OPCML: variants seen among roughly 807,000 people sequenced by gnomAD.
OPCML encodes opioid binding protein/cell adhesion molecule like.
OPCML carries 13 observed loss-of-function variants against 37.8 expected under a neutral mutation model. The observed-to-expected ratio is 0.34, with a 90% CI of 0.22 to 0.55. OPCML has a LOEUF of 0.55. OPCML is among the 20% of genes least tolerant of loss of function. The pLI, the probability that OPCML is intolerant of heterozygous loss-of-function variation, is 0.91. For missense variants in OPCML, 341 were observed against 435.6 expected (o/e 0.78, Z 1.93); for synonymous variants, 176 against 168.8 (o/e 1.04, Z -0.33).
At chr11:133,331,949 T>A (rs1400134571) in intron 1 of OPCML, among the ~76,000 whole-genome samples, 1 of 148,642 alleles carries the variant, frequency 6.7e-6, no homozygotes, top group African/African-American at 2.6e-5. Context: ...TTTAAAATAT[T>A]TTTTTCTAGT....
At position 133,204,907 on chromosome 11, in the gene OPCML, T is replaced by TATAC. The variant is rs1592101768; in HGVS notation, c.62-261901_62-261898dup. ...ATATATATATATATATATATATATA[T>TATAC]ATACATACACATTTAGATATGGTCT... is the stretch of plus-strand genomic sequence containing the variant. On this transcript the variant is annotated intron_variant, in intron 1 of 7. Coordinates refer to ENST00000524381, the MANE Select transcript of OPCML (RefSeq NM_001012393.5). 3.0e-5 allele frequency among the ~76,000 whole-genome samples: 4 copies of TATAC among 133,504 alleles called. No individual in the cohort carries two copies. In the South Asian group the frequency reaches 9.7e-4, roughly 32 times the overall value. 87.6% of individuals were successfully genotyped at this position (133,504 alleles called of 152,430 possible).
chr11:132,995,675 G>C (rs1469088981), intron 1 of OPCML, among the ~76,000 whole-genome samples: 1 of 152,182 alleles, frequency 6.6e-6, no homozygotes, highest in Non-Finnish European at 1.5e-5. Flanking sequence ...GGTCAGGCAA[G>C]TTCTTGGTCC....
intron 1 of OPCML, among the ~76,000 whole-genome samples, chr11:133,059,762 C>T (rs1948306048): frequency 6.6e-6 from 1 of 152,072 alleles, no homozygotes; most frequent in Non-Finnish European, 1.5e-5. Context: ...TCATGGAGCA[C>T]AATATGTGCT....
At chr11:133,034,034 G>A (rs926781907) in intron 1 of OPCML, among the ~76,000 whole-genome samples, 7 of 152,134 alleles carry the variant, frequency 4.6e-5, no homozygotes, top group Non-Finnish European at 8.8e-5. Context: ...ACTTAGTTGC[G>A]ATGGAAACAA....
chr11:132,726,853 T>A (rs796076621), intron 2 of OPCML, among the ~76,000 whole-genome samples: 18 of 152,316 alleles, frequency 1.2e-4, no homozygotes, highest in African/African-American at 4.3e-4. Context: ...TCCATGTGCC[T>A]GAAATACCTC....
intron 4 of OPCML, among the ~76,000 whole-genome samples, chr11:132,511,896 A>C (rs2096269667): frequency 6.6e-6 from 1 of 152,136 alleles, no homozygotes; most frequent in Non-Finnish European, 1.5e-5. Context: ...ATTCCTTTAC[A>C]AGATTCCTTT....
chr11:132,725,633 A>G (rs116847193), intron 2 of OPCML, among the ~76,000 whole-genome samples: 1 of 152,068 alleles, frequency 6.6e-6, no homozygotes, highest in Admixed American at 6.5e-5. Flanking sequence ...CCAAACTTTT[A>G]TTCTCTGCTT....
Position 132,943,763 on chromosome 11 carries a change from C to T in OPCML, c.62-753G>A, listed in dbSNP as rs1252028226. The T allele has an allele frequency of 6.6e-5, 10 of 150,676 alleles. No individual in the cohort carries two copies. Among genetic ancestry groups the T allele is most frequent in the East Asian group, 2.0e-4 (1 of 5,100 alleles). The allele number at this position is 150,676 out of a possible 1,614,324, so 9.3% of individuals were successfully genotyped here. On this transcript the variant is annotated intron_variant, in intron 1 of 7. Coordinates refer to ENST00000524381, the MANE Select transcript of OPCML (RefSeq NM_001012393.5). This position sits in a 1 kb window ranked among gnomAD's most constrained non-coding sequence, Gnocchi z 4.3. ...CGCGGCCAGCCGGGGGAGCGCCGCC[C>T]GGCGCAGGCTCCGGGCGCACGGGGA...
At chr11:132,843,217 C>T (rs1327979650) in intron 2 of OPCML, among the ~76,000 whole-genome samples, 1 of 151,666 alleles carries the variant, frequency 6.6e-6, no homozygotes, top group Non-Finnish European at 1.5e-5. Flanking sequence ...GCCTCAGCCT[C>T]CTGAGTAGCT....
At chr11:132,788,777 C>G (rs1937695818) in intron 2 of OPCML, among the ~76,000 whole-genome samples, 1 of 152,226 alleles carries the variant, frequency 6.6e-6, no homozygotes, top group Non-Finnish European at 1.5e-5. Flanking sequence ...GGTTACCTAG[C>G]TGGTAAGGGG....
intron 1 of OPCML, among the ~76,000 whole-genome samples, chr11:133,079,536 T>A (rs1422882746): frequency 6.6e-6 from 1 of 151,520 alleles, no homozygotes; most frequent in Admixed American, 6.6e-5. Context: ...CTAAAACAAA[T>A]CTGCCCGAGT....
intron 4 of OPCML, among the ~76,000 whole-genome samples, chr11:132,486,716 T>A (rs1205496209): frequency 6.6e-6 from 1 of 152,082 alleles, no homozygotes; most frequent in Non-Finnish European, 1.5e-5. Flanking sequence ...TTTTTACACA[T>A]CATCTATCAA....
At chr11:132,443,826 T>C (rs1565567282) in intron 4 of OPCML, among the ~76,000 whole-genome samples, 1 of 152,344 alleles carries the variant, frequency 6.6e-6, no homozygotes, top group East Asian at 1.9e-4. Context: ...TGAGGAGACA[T>C]GTGCCTGAAT....
intron 4 of OPCML, among the ~76,000 whole-genome samples, chr11:132,482,461 A>T (rs1352069960): frequency 6.6e-6 from 1 of 152,160 alleles, no homozygotes; most frequent in East Asian, 1.9e-4. Context: ...CCAGGACCAG[A>T]TGGATTCACA....
chr11:132,670,809 ATTAC>A (rs1591703985), intron 2 of OPCML, among the ~76,000 whole-genome samples: 1 of 152,326 alleles, frequency 6.6e-6, no homozygotes, highest in Admixed American at 6.5e-5. Flanking sequence ...TATTTACATA[ATTAC>A]TTACTACTAA....
intron 1 of OPCML, among the ~76,000 whole-genome samples, chr11:133,159,464 G>A (rs919793164): frequency 6.6e-6 from 1 of 152,178 alleles, no homozygotes; most frequent in African/African-American, 2.4e-5. Flanking sequence ...GACTGACAGA[G>A]GGGCCACTAA....
At chr11:133,092,017 C>A (rs896380978) in intron 1 of OPCML, among the ~76,000 whole-genome samples, 1 of 152,020 alleles carries the variant, frequency 6.6e-6, no homozygotes, top group African/African-American at 2.4e-5. Flanking sequence ...AGAGGTGGGG[C>A]ATTTGAAAGG....
intron 2 of OPCML, among the ~76,000 whole-genome samples, chr11:132,665,418 G>A (rs774993735): frequency 3.3e-5 from 5 of 152,158 alleles, no homozygotes; most frequent in Non-Finnish European, 5.9e-5. Context: ...CTCACACCAC[G>A]CAAGTGAGGC....
In OPCML at chr11:132,691,233, A is replaced by C. The variant is rs932118155; in HGVS notation, c.147-33914T>G. 2.0e-5 allele frequency among the ~76,000 whole-genome samples: 3 copies of C among 152,232 alleles called. No individual in the cohort carries two copies. In the South Asian group the frequency reaches 6.2e-4, roughly 32 times the overall value. ...ATTTGACTATGTGAATTGTGAGTGA[A>C]TGGATGCATTCAATGGCAAGAAGAT... On this transcript the variant is annotated intron_variant, in intron 2 of 7. Coordinates refer to ENST00000524381, the MANE Select transcript of OPCML (RefSeq NM_001012393.5).
Sources: gnomAD v4.1 joint callset for allele counts (sites outside exome capture counted in the v4.1 genomes callset) on GRCh38, gnomAD v4.1.1 for gene constraint, Gnocchi (gnomAD v3.1) non-coding constraint, MANE v1.5 for transcripts, NCBI Gene and HGNC (gene_info 2026-07-23, HGNC 2026-07-21) for gene names.